Variants in UTRN observed in about 807,000 individuals in gnomAD.
UTRN encodes the protein utrophin.
In UTRN, 283 loss-of-function variants were observed where a neutral mutation model predicts 463.9. The ratio of observed to expected loss-of-function variants is 0.61; its 90% CI spans 0.55 to 0.67. The LOEUF is 0.67. Among genes scored for constraint, UTRN ranks in the 30% least tolerant of loss-of-function variants. UTRN has a pLI of 0.00. For missense variants in UTRN, 3,922 were observed against 4,084.3 expected, an observed-to-expected ratio of 0.96 and a Z score of 1.08; for synonymous variants, 1,442 against 1,431.5, an observed-to-expected ratio of 1.01 and a Z score of -0.17.
chr6:144,761,751 G>T (rs926745660), intron 58 of UTRN, among the ~76,000 whole-genome samples: 4 of 152,112 alleles, frequency 2.6e-5, no homozygotes, highest in African/African-American at 9.7e-5. Context: ...ATAAAAGCCA[G>T]ATATCTCTCA....
intron 50 of UTRN, 140 bp downstream of exon 50, chr6:144,557,451 T>C: frequency 1.2e-6 from 1 of 847,314 alleles, no homozygotes; most frequent in South Asian, 2.2e-5. Flanking sequence ...TGTGATGTTC[T>C]GAGTTAGTAT....
intron 73 of UTRN, among the ~76,000 whole-genome samples, chr6:144,846,561 G>C (rs774380548): frequency 2.2e-4 from 33 of 152,120 alleles, no homozygotes; most frequent in Non-Finnish European, 4.4e-4. Context: ...ATGCTTTAGT[G>C]TATGCACTAA....
chr6:144,610,166 ATCAACAGACCATTAGCTAGACTAACCAAG>A (rs1805333954), intron 51 of UTRN, among the ~76,000 whole-genome samples: 4 of 151,396 alleles, frequency 2.6e-5, no homozygotes, highest in Non-Finnish European at 4.4e-5. Context: ...AAAAAAAAAA[ATCAACAGACCATTAGCTAGACTAACCAAG>A]AAAAAAAAAA....
At chr6:144,797,786 G>A (rs758889712) in intron 63 of UTRN, 38 bp from the exon 64 acceptor site, 11 of 1,593,506 alleles carry the variant, frequency 6.9e-6, no homozygotes, top group Non-Finnish European at 9.4e-6. Context: ...TTAAATGAAG[G>A]CATTTCTTCA....
chr6:144,518,253 G>T (rs1255904143), intron 39 of UTRN, among the ~76,000 whole-genome samples: 1 of 152,114 alleles, frequency 6.6e-6, no homozygotes, highest in Non-Finnish European at 1.5e-5. Context: ...TCTCCCCAAA[G>T]TCATGGCTGA....
chr6:144,552,257 A>G (rs370096824), intron 48 of UTRN, among the ~76,000 whole-genome samples: 1 of 152,252 alleles, frequency 6.6e-6, no homozygotes, highest in Non-Finnish European at 1.5e-5. Context: ...TAGGAGATAC[A>G]TTAGAAAAGA....
chr6:144,757,570 G>C (rs1172993017), intron 57 of UTRN, among the ~76,000 whole-genome samples: 1 of 152,048 alleles, frequency 6.6e-6, no homozygotes, highest in Non-Finnish European at 1.5e-5. Context: ...GATATACCAG[G>C]TAAAATTAAT....
intron 26 of UTRN, among the ~76,000 whole-genome samples, chr6:144,480,251 GA>G (rs1338694859): frequency 1.2e-4 from 18 of 152,286 alleles, no homozygotes; most frequent in African/African-American, 3.1e-4. Flanking sequence ...GGAGGCTACA[GA>G]GAATGACTTA....
Position 144,554,690 on chromosome 6 carries a change from G to A in UTRN, c.6931G>A (p.Glu2311Lys), listed in dbSNP as rs1012184019. The A allele has an allele frequency of 1.2e-6, 2 of 1,613,728 alleles. No individual in the cohort carries two copies. The highest frequency in any genetic ancestry group is 1.3e-5 in the African/African-American group (1 of 74,822). The part of the protein sequence containing the change: ...DMRTAITEKL[E>K]RVKNQWDGTQ... Reference sequence around the variant, plus strand: ...TTCTTTTATAATGCTACCCTCAGTGGAAAGGGTCAAGAACCAGTGGGATGG... The same window carrying A: ...TTCTTTTATAATGCTACCCTCAGTGAAAAGGGTCAAGAACCAGTGGGATGG... The change falls in exon 49 of 75, where the codon GAA (glutamate) becomes AAA (lysine). Residue 2311 changes from glutamate to lysine, a missense_variant and splice_region_variant. Physicochemically the swap from Glu to Lys is moderately conservative, Grantham distance 56. Transcript: ENST00000367545.
intron 2 of UTRN, among the ~76,000 whole-genome samples, chr6:144,320,363 G>A (rs1271848734): frequency 2.0e-5 from 3 of 151,946 alleles, no homozygotes; most frequent in Non-Finnish European, 2.9e-5. Flanking sequence ...TTGCATCATT[G>A]CCTCTGACTA....
At chr6:144,324,730 G>T (rs1775869366) in intron 2 of UTRN, among the ~76,000 whole-genome samples, 1 of 152,204 alleles carries the variant, frequency 6.6e-6, no homozygotes, top group South Asian at 2.1e-4. Context: ...TTGCTGTCAT[G>T]TTGCTACTAT....
At chr6:144,695,051 T>C (rs1011667413) in intron 52 of UTRN, among the ~76,000 whole-genome samples, 18 of 152,046 alleles carry the variant, frequency 1.2e-4, no homozygotes, top group Admixed American at 1.3e-4. Flanking sequence ...GCATTGGTTC[T>C]GTATTTCACA....
chr6:144,507,516 G>T (rs1048542023), intron 34 of UTRN, among the ~76,000 whole-genome samples: 1 of 152,060 alleles, frequency 6.6e-6, no homozygotes, highest in Admixed American at 6.5e-5. Context: ...CCTTCTAACA[G>T]GCCCCTCTGC....
At position 144,514,521 on chromosome 6, in the gene UTRN, A is replaced by G. The variant is rs371897671; in HGVS notation, c.5074-129A>G. The G allele has an allele frequency of 5.3e-5, 51 of 953,954 alleles. No homozygotes were observed. The East Asian group carries it at 8.7e-4, about 16-fold the overall frequency. 59.1% of individuals were successfully genotyped at this position (953,954 alleles called of 1,614,324 possible). A position where few individuals can be genotyped will look rare whatever the true frequency, so the allele number is the denominator to read the frequency against. On this transcript the variant is annotated intron_variant, in intron 36 of 74. Coordinates refer to ENST00000367545, the MANE Select transcript of UTRN (RefSeq NM_007124.3). ...TATGTGAACAGCTCTCACCTGGTTG[A>G]TTATGCTGAAATCTCTTACTGGGGA...
intron 66 of UTRN, among the ~76,000 whole-genome samples, chr6:144,826,924 G>A (rs1033331335): frequency 5.9e-5 from 9 of 152,080 alleles, no homozygotes; most frequent in Non-Finnish European, 1.0e-4. Flanking sequence ...AACATATAAT[G>A]TAGTGTTTCA....
chr6:144,851,066 A>C lies in UTRN; in HGVS notation c.*69A>C. 1 of 1,606,082 alleles carries C rather than the reference A, an allele frequency of 6.2e-7. No homozygotes were observed. The highest frequency in any genetic ancestry group is 1.1e-5 in the South Asian group (1 of 90,884). ...CCCTTTTCAGCAAATGCCAATTCCA[A>C]GTTCCATTAAATCAGAAGCTCCATG... On this transcript the variant is annotated 3_prime_UTR_variant, in exon 75 of 75. Transcript: ENST00000367545.
intron 19 of UTRN, among the ~76,000 whole-genome samples, chr6:144,456,723 T>C (rs1195939047): frequency 6.6e-6 from 1 of 151,080 alleles, no homozygotes; most frequent in East Asian, 1.9e-4. Flanking sequence ...TCATTTGACT[T>C]TCATAGCTGA....
intron 51 of UTRN, among the ~76,000 whole-genome samples, chr6:144,612,983 GA>G: frequency 6.6e-6 from 1 of 152,156 alleles, no homozygotes; most frequent in East Asian, 1.9e-4. Context: ...AATGGATAAA[GA>G]AAATGTGGTA....
In UTRN at chr6:144,480,334, G is replaced by T. The variant is rs561770003; in HGVS notation, c.3507+352G>T. Among the ~76,000 whole-genome samples the T allele has an allele frequency of 3.3e-5, 5 of 152,160 alleles. No individual in the cohort carries two copies. In the East Asian group the frequency reaches 7.7e-4, roughly 23 times the overall value. On this transcript the variant is annotated intron_variant, in intron 26 of 74. Transcript: ENST00000367545. ...ATTGGGGTAAATACATATAACATTGGTCAGCTTAATTTTTAAGTGCACAAT... is the reference window on the plus strand; with the variant it reads ...ATTGGGGTAAATACATATAACATTGTTCAGCTTAATTTTTAAGTGCACAAT...
Sources: allele counts gnomAD v4.1 joint callset (sites outside exome capture counted in the v4.1 genomes callset), GRCh38; gene constraint gnomAD v4.1.1; transcripts MANE v1.5; gene names NCBI Gene and HGNC (gene_info 2026-07-23, HGNC 2026-07-21).